The following MAP4K3 variants were observed in gnomAD, a reference collection of about 807,000 sequenced individuals.
MAP4K3 encodes the protein mitogen-activated protein kinase kinase kinase kinase 3.
MAP4K3 carries 94 observed loss-of-function variants against 143.5 expected under a neutral mutation model. The observed-to-expected ratio is 0.65, with a 90% CI of 0.55 to 0.78. MAP4K3 has a LOEUF of 0.78. MAP4K3 is among the 30% of genes least tolerant of loss of function. The pLI, the probability that MAP4K3 is intolerant of heterozygous loss-of-function variation, is 0.00. For synonymous variants in MAP4K3, 416 were observed against 347.2 expected (o/e 1.20, Z -2.20); for missense variants, 1,077 against 1,068.1 (o/e 1.01, Z -0.12).
intron 12 of MAP4K3, among the ~76,000 whole-genome samples, chr2:39,322,407 T>A (rs902053429): frequency 6.6e-6 from 1 of 152,126 alleles, no homozygotes; most frequent in Admixed American, 6.5e-5. Flanking sequence ...AATCTTATAA[T>A]GCTGTACATA....
At chr2:39,306,728 T>C (rs970097483) in intron 15 of MAP4K3, among the ~76,000 whole-genome samples, 4 of 152,232 alleles carry the variant, frequency 2.6e-5, no homozygotes, top group African/African-American at 7.2e-5. Context: ...CTGTTTCCAA[T>C]TGCTGTGAAA....
At chr2:39,267,787 T>TAGAA (rs544405900) in intron 26 of MAP4K3, among the ~76,000 whole-genome samples, 108 of 151,788 alleles carry the variant, frequency 7.1e-4, no homozygotes, top group African/African-American at 2.4e-3. Context: ...TAGAAGTCTA[T>TAGAA]AGAAATATAT....
intron 13 of MAP4K3, among the ~76,000 whole-genome samples, chr2:39,311,418 G>A (rs908926387): frequency 1.3e-5 from 2 of 152,168 alleles, no homozygotes; most frequent in African/African-American, 4.8e-5. Flanking sequence ...GTAGACAGCT[G>A]CTGATACAGG....
chr2:39,262,146 T>C (rs1202180265), intron 28 of MAP4K3, among the ~76,000 whole-genome samples: 1 of 152,238 alleles, frequency 6.6e-6, no homozygotes, highest in Non-Finnish European at 1.5e-5. Flanking sequence ...CTGGATTTGA[T>C]TTGTTTTCTT....
intron 1 of MAP4K3, among the ~76,000 whole-genome samples, chr2:39,380,501 G>C (rs931981727): frequency 1.3e-5 from 2 of 152,010 alleles, no homozygotes; most frequent in African/African-American, 2.4e-5. Flanking sequence ...TTAAAAAGGA[G>C]AGCAAGATAG....
chr2:39,351,699 C>T (rs923989814), intron 3 of MAP4K3, among the ~76,000 whole-genome samples: 5 of 152,180 alleles, frequency 3.3e-5, no homozygotes, highest in Admixed American at 1.3e-4. Flanking sequence ...GACAGAGTCT[C>T]GCTCTGTCAC....
rs1453673932 is a variant in MAP4K3 at position 39,288,279 on chromosome 2, G to C, written c.1316C>G (p.Pro439Arg). The change falls in exon 20 of 34, where the codon CCT (proline) becomes CGT (arginine). Residue 439 changes from proline (P) to arginine (R), a missense_variant and splice_region_variant. By Grantham distance (103) the Pro-to-Arg change is moderately radical (BLOSUM62 -2). Coordinates refer to ENST00000263881, the MANE Select transcript of MAP4K3 (RefSeq NM_003618.4). Reference protein sequence around the residue: ...AKIPPPLPPKPKSIFIPQEMH... With the variant: ...AKIPPPLPPKRKSIFIPQEMH... ...TTCCTGTGGTATGAAGATAGACTTA[G>C]GCTGAAATAATATAGAAAAAGAGAC... 4 of 1,612,442 alleles carry C rather than the reference G, an allele frequency of 2.5e-6. No individual in the cohort carries two copies. The highest frequency in any genetic ancestry group is 2.7e-5 in the African/African-American group (2 of 74,782).
intron 1 of MAP4K3, among the ~76,000 whole-genome samples, chr2:39,429,064 C>CAAAA (rs34783806): frequency 5.0e-4 from 30 of 60,022 alleles, no homozygotes; most frequent in Admixed American, 1.9e-3. Flanking sequence ...GACTCCGTCT[C>CAAAA]AAAAAAAAAA....
At chr2:39,311,531 G>C (rs561571453) in intron 13 of MAP4K3, among the ~76,000 whole-genome samples, 1 of 152,192 alleles carries the variant, frequency 6.6e-6, no homozygotes, top group Non-Finnish European at 1.5e-5. Context: ...GTGACCAAAA[G>C]ACCAGAGCAG....
chr2:39,363,887 C>T (rs1412508180), intron 2 of MAP4K3, among the ~76,000 whole-genome samples: 1 of 145,296 alleles, frequency 6.9e-6, no homozygotes, highest in Admixed American at 7.0e-5. Flanking sequence ...AAAAGATATA[C>T]AAATGGCCAA....
chr2:39,307,975 C>T lies in MAP4K3; in HGVS notation c.1087G>A (p.Glu363Lys). ...GATCTTGCAGTGTAGTATATTTCTT[C>T]TGAACTGTCCAAAAAACCATCACTG... Reference protein sequence around the residue: ...PDSDGFLDSSEEIYYTARSNL... With the variant: ...PDSDGFLDSSKEIYYTARSNL... The change falls in exon 15 of 34, where the codon GAA (glutamate) becomes AAA (lysine). Residue 363 changes from glutamate (E) to lysine (K), a missense_variant. Physicochemically the swap from Glu to Lys is moderately conservative, Grantham distance 56 (BLOSUM62 1). Transcript: ENST00000263881. 1.9e-6 allele frequency: 3 copies of T among 1,597,546 alleles called. No individual in the cohort carries two copies. The highest frequency in any genetic ancestry group is 2.6e-6 in the Non-Finnish European group (3 of 1,172,386).
chr2:39,398,767 A>G (rs1420215137), intron 1 of MAP4K3, among the ~76,000 whole-genome samples: 1 of 149,056 alleles, frequency 6.7e-6, no homozygotes, highest in East Asian at 2.0e-4. Context: ...ATAATTGGCC[A>G]GGCATTGGCT....
chr2:39,417,843 C>T (rs1267329837), intron 1 of MAP4K3, among the ~76,000 whole-genome samples: 1 of 152,220 alleles, frequency 6.6e-6, no homozygotes, highest in Non-Finnish European at 1.5e-5. Flanking sequence ...GTCTGCTTAT[C>T]AGGCTAGGGC....
At chr2:39,420,323 G>A (rs1572509953) in intron 1 of MAP4K3, among the ~76,000 whole-genome samples, 2 of 152,330 alleles carry the variant, frequency 1.3e-5, no homozygotes, top group Non-Finnish European at 1.5e-5. Context: ...TGCACTTACA[G>A]AATAGGTGTT....
chr2:39,422,436 A>G (rs1288150980), intron 1 of MAP4K3, among the ~76,000 whole-genome samples: 1 of 152,158 alleles, frequency 6.6e-6, no homozygotes, highest in African/African-American at 2.4e-5. Context: ...AAAACAGCCA[A>G]CTATAAGCCA....
At chr2:39,269,730 C>T (rs1680933329) in intron 26 of MAP4K3, among the ~76,000 whole-genome samples, 1 of 152,080 alleles carries the variant, frequency 6.6e-6, no homozygotes, top group Non-Finnish European at 1.5e-5. Context: ...CACACTGTGA[C>T]AGCTAAACAA....
Position 39,272,315 on chromosome 2 carries a change from T to A in MAP4K3, c.1941A>T (p.Pro647=). 1 of 1,613,800 alleles carries A rather than the reference T, an allele frequency of 6.2e-7. No homozygotes were observed. Among genetic ancestry groups the A allele is most frequent in the Non-Finnish European group, 8.5e-7 (1 of 1,179,790 alleles). ...RQMQKLPVAI[P]AHKLPDRILP... ...GTATTCTGTCAGGGAGTTTGTGTGC[T>A]GGAATAGCAACAGGTAACTTTTGCA... The change falls in exon 26 of 34, where the codon CCA becomes CCT. Residue 647 remains proline (P), a synonymous_variant. Transcript: ENST00000263881.
At chr2:39,302,068 C>CT in intron 15 of MAP4K3, among the ~76,000 whole-genome samples, 1 of 151,562 alleles carries the variant, frequency 6.6e-6, no homozygotes, top group South Asian at 2.1e-4. Flanking sequence ...AGAAAATAAA[C>CT]TGAGTTCAGC....
intron 1 of MAP4K3, among the ~76,000 whole-genome samples, chr2:39,408,155 T>G (rs904015733): frequency 6.6e-6 from 1 of 152,208 alleles, no homozygotes; most frequent in Non-Finnish European, 1.5e-5. Flanking sequence ...AAAAACCATC[T>G]AGATAACAAA....
Sources: allele counts gnomAD v4.1 joint callset (sites outside exome capture counted in the v4.1 genomes callset), GRCh38; gene constraint gnomAD v4.1.1; transcripts MANE v1.5; gene names NCBI Gene and HGNC (gene_info 2026-07-23, HGNC 2026-07-21).